HIP1R: variants seen among roughly 807,000 people sequenced by gnomAD.
HIP1R encodes the protein huntingtin-interacting protein 1-related protein.
HIP1R carries 135 observed loss-of-function variants against 144.2 expected under a neutral mutation model. The observed-to-expected ratio is 0.94, with a 90% CI of 0.81 to 1.08. HIP1R has a LOEUF of 1.08. HIP1R is among the 50% of genes least tolerant of loss of function. HIP1R has a pLI of 0.00. For missense variants in HIP1R, 1,462 were observed against 1,432.8 expected (o/e 1.02, Z -0.33); for synonymous variants, 698 against 612.8 (o/e 1.14, Z -2.05).
chr12:122,858,722 CCG>C, intron 20 of HIP1R, 114 bp from the exon 21 acceptor site: 1 of 795,130 alleles, frequency 1.3e-6, no homozygotes, highest in Non-Finnish European at 2.1e-6. Flanking sequence ...CGTTGTCTTG[CCG>C]AGCCCTCCTT....
intron 5 of HIP1R, 160 bp downstream of exon 5, chr12:122,850,115 G>A: frequency 1.4e-6 from 1 of 706,788 alleles, no homozygotes; most frequent in South Asian, 1.5e-5. Context: ...AGACGGGGAA[G>A]CCAGGGCATC....
Position 122,861,821 on chromosome 12 carries a change from G to A in HIP1R, c.*68G>A, listed in dbSNP as rs560343736. ...CCTCTGCAACTGCCCTGACAGGACC[G>A]AGAGGCCTTGCCCCTCCACCTGGTG... On this transcript the variant is annotated 3_prime_UTR_variant, in exon 32 of 32. Transcript: ENST00000253083. 49 of 1,472,164 alleles carry A rather than the reference G, an allele frequency of 3.3e-5. No individual in the cohort carries two copies. The East Asian group carries it at 4.4e-4, about 13-fold the overall frequency. The allele number at this position is 1,472,164 out of a possible 1,614,324, so 91.2% of individuals were successfully genotyped here.
chr12:122,853,912 C>G, intron 7 of HIP1R, 131 bp from the exon 8 acceptor site: 1 of 1,074,972 alleles, frequency 9.3e-7, no homozygotes, highest in Admixed American at 2.5e-5. Context: ...ACATGAGGCT[C>G]CCGTCTTGGA....
Position 122,851,424 on chromosome 12 carries a change from G to T in HIP1R, c.577+127G>T. 4.3e-6 allele frequency: 3 copies of T among 702,022 alleles called. No homozygotes were observed. In the South Asian group the frequency reaches 9.4e-5, roughly 22 times the overall value. The allele number at this position is 702,022 out of a possible 1,614,324, so 43.5% of individuals were successfully genotyped here. A position where few individuals can be genotyped will look rare whatever the true frequency, so the allele number is the denominator to read the frequency against. ...CACTATGAAATGACCCTGGCCAGCC[G>T]CAGTGGCTCACATCTGTAATCCCAG... is the stretch of plus-strand genomic sequence containing the variant. On this transcript the variant is annotated intron_variant, in intron 7 of 31. Coordinates refer to ENST00000253083, the MANE Select transcript of HIP1R (RefSeq NM_003959.3).
chr12:122,838,336 T>C (rs1295899312), intron 1 of HIP1R, among the ~76,000 whole-genome samples: 1 of 149,274 alleles, frequency 6.7e-6, no homozygotes, highest in Non-Finnish European at 1.5e-5. Context: ...AAAAAAAAAA[T>C]CCTTTTCAAA....
At chr12:122,848,211 G>T in intron 2 of HIP1R, 117 bp downstream of exon 2, 1 of 1,146,650 alleles carries the variant, frequency 8.7e-7, no homozygotes, top group East Asian at 2.5e-5. Context: ...CTGAGCCCGG[G>T]GAGGAGGGTC....
At position 122,861,821 on chromosome 12, in the gene HIP1R, G is replaced by C; in HGVS notation, c.*68G>C. Reference sequence around the variant, plus strand: ...CCTCTGCAACTGCCCTGACAGGACCGAGAGGCCTTGCCCCTCCACCTGGTG... The same window carrying C: ...CCTCTGCAACTGCCCTGACAGGACCCAGAGGCCTTGCCCCTCCACCTGGTG... On this transcript the variant is annotated 3_prime_UTR_variant, in exon 32 of 32. Transcript: ENST00000253083. 1.4e-6 allele frequency: 2 copies of C among 1,472,168 alleles called. No individual in the cohort carries two copies. The highest frequency in any genetic ancestry group is 1.9e-6 in the Non-Finnish European group (2 of 1,059,494). The allele number at this position is 1,472,168 out of a possible 1,614,324, so 91.2% of individuals were successfully genotyped here. A position where few individuals can be genotyped will look rare whatever the true frequency, so the allele number is the denominator to read the frequency against.
chr12:122,838,801 C>A (rs1490243959), intron 1 of HIP1R, among the ~76,000 whole-genome samples: 1 of 152,134 alleles, frequency 6.6e-6, no homozygotes, highest in Non-Finnish European at 1.5e-5. Flanking sequence ...GAGAGGAGGT[C>A]GGACTGAGTC....
chr12:122,844,949 C>T (rs556084728), intron 1 of HIP1R, among the ~76,000 whole-genome samples: 40 of 152,340 alleles, frequency 2.6e-4, no homozygotes, highest in East Asian at 2.1e-3. Context: ...TCCCATGGCA[C>T]GCTGCAGTTT....
At chr12:122,834,793 G>A (rs939983369), upstream of HIP1R, 5 of 443,832 alleles carry the variant, frequency 1.1e-5, no homozygotes, top group Non-Finnish European at 2.0e-5. Flanking sequence ...AGCCGGCGGC[G>A]TCTCTGGAAA....
Position 122,861,504 on chromosome 12 carries a change from A to T in HIP1R, c.3149A>T (p.Gln1050Leu). ...LAQKPSVAPRQDHQLDKKDGI... is the reference protein window; with the variant it reads ...LAQKPSVAPRLDHQLDKKDGI... ...CAGAAGCCCAGCGTGGCCCCCAGAC[A>T]GGACCACCAGGTGCCGTCTGCACTG... Residue 1050 changes from glutamine to leucine, a missense_variant, in exon 31 of 32, where the codon CAG becomes CTG. Gln to Leu is a moderately radical substitution (Grantham distance 113, BLOSUM62 -2). Around this residue, in one of 2 missense-constraint regions of HIP1R, gnomAD observed 1,112 missense variants for 1,011.7 expected, o/e 1.10. Coordinates refer to ENST00000253083, the MANE Select transcript of HIP1R (RefSeq NM_003959.3). 1 of 1,610,948 alleles carries T rather than the reference A, an allele frequency of 6.2e-7. No individual in the cohort carries two copies. The highest frequency in any genetic ancestry group is 8.5e-7 in the Non-Finnish European group (1 of 1,178,792).
Position 122,855,964 on chromosome 12 carries a change from A to C in HIP1R, c.1129-16A>C, listed in dbSNP as rs373542813. ...CACGGCCCAGGCAGGGCCCCACGTC[A>C]CACCTCCTCCCGCAGGCCCAGCGGT... On this transcript the variant is annotated splice_polypyrimidine_tract_variant and intron_variant, in intron 13 of 31. Coordinates refer to ENST00000253083, the MANE Select transcript of HIP1R (RefSeq NM_003959.3). The C allele has an allele frequency of 6.3e-7, 1 of 1,576,586 alleles. No individual in the cohort carries two copies. Among genetic ancestry groups the C allele is most frequent in the Non-Finnish European group, 8.6e-7 (1 of 1,161,704 alleles).
Position 122,854,904 on chromosome 12 carries a change from G to T in HIP1R, c.719-1G>T. Reference sequence around the variant, plus strand: ...CCTGTTACACTTGTGCCACCCTCCAGGTCTCCCTGCGGACACCCTGCAAGG... The same window carrying T: ...CCTGTTACACTTGTGCCACCCTCCATGTCTCCCTGCGGACACCCTGCAAGG... On this transcript the variant is annotated splice_acceptor_variant, in intron 8 of 31. Transcript: ENST00000253083. LOFTEE classifies it high-confidence loss of function. 1 of 1,612,656 alleles carries T rather than the reference G, an allele frequency of 6.2e-7. No homozygotes were observed. Among genetic ancestry groups the T allele is most frequent in the South Asian group, 1.1e-5 (1 of 91,072 alleles).
chr12:122,859,976 G>A, intron 24 of HIP1R, 71 bp from the exon 25 acceptor site: 3 of 1,500,682 alleles, frequency 2.0e-6, no homozygotes, highest in Non-Finnish European at 2.7e-6. Flanking sequence ...CCCTGATGTG[G>A]CCAGGCCCGC....
intron 31 of HIP1R, 89 bp downstream of exon 31, chr12:122,861,603 T>C (rs2033776050): frequency 1.3e-6 from 2 of 1,569,680 alleles, no homozygotes; most frequent in Non-Finnish European, 1.7e-6. Flanking sequence ...CCTGGGGAAG[T>C]CAGGGACCAC....
rs768745054 is a variant in HIP1R, at chr12:122,860,064, C to T, written c.2483C>T (p.Thr828Ile). 4.4e-6 allele frequency: 7 copies of T among 1,573,658 alleles called. No individual in the cohort carries two copies. Among genetic ancestry groups the T allele is most frequent in the Non-Finnish European group, 6.0e-6 (7 of 1,160,436 alleles). ...TCCCCCAGGATCCTCAACTCCTGCA[C>T]AGACCTGATGAAGGTGAGGGGCTGT... ...EVNERILNSCTDLMKAIRLLV... is the reference protein window; with the variant it reads ...EVNERILNSCIDLMKAIRLLV... The change falls in exon 25 of 32, where the codon ACA (threonine) becomes ATA (isoleucine). Residue 828 changes from threonine (T) to isoleucine (I), a missense_variant. Physicochemically the swap from Thr to Ile is moderately conservative, Grantham distance 89. This residue lies in a region of HIP1R where 1,112 missense variants were observed against 1,011.7 expected (regional missense o/e 1.10). Transcript: ENST00000253083.
rs760319031 is a variant in HIP1R, at chr12:122,848,088, G to T, written c.151G>T (p.Ala51Ser). Residue 51 changes from alanine (A) to serine (S), a missense_variant, in exon 2 of 32, where the codon GCC becomes TCC. This residue lies in a region of HIP1R where 350 missense variants were observed against 421.1 expected (regional missense o/e 0.83). Transcript: ENST00000253083. Reference sequence around the variant, plus strand: ...GGAGGCCCCCGTGAAGGAGAAGCACGCCCGGCGTATCCTTGGCCGGCTCTT... The same window carrying T: ...GGAGGCCCCCGTGAAGGAGAAGCACTCCCGGCGTATCCTTGGCCGGCTCTT... ...TQEAPVKEKH[A>S]RRIILGTHHE... 2.5e-6 allele frequency: 4 copies of T among 1,613,322 alleles called. No homozygotes were observed. Among genetic ancestry groups the T allele is most frequent in the African/African-American group, 1.3e-5 (1 of 74,922 alleles).
chr12:122,860,889 G>A (rs537973836), intron 28 of HIP1R, 27 bp from the exon 29 acceptor site: 2 of 1,603,234 alleles, frequency 1.2e-6, no homozygotes, highest in East Asian at 2.3e-5. Context: ...GGGAGACCTG[G>A]GCCCACCCTG....
intron 1 of HIP1R, among the ~76,000 whole-genome samples, chr12:122,841,188 A>G (rs572138786): frequency 1.3e-5 from 2 of 151,474 alleles, no homozygotes; most frequent in Non-Finnish European, 2.9e-5. Context: ...TCCTCTGTGC[A>G]GCCACCCGCT....
Sources: allele counts gnomAD v4.1 joint callset (sites outside exome capture counted in the v4.1 genomes callset), GRCh38; gene constraint gnomAD v4.1.1; regional missense constraint gnomAD v4.1.1; transcripts MANE v1.5; gene names NCBI Gene and HGNC (gene_info 2026-07-23, HGNC 2026-07-21).